The following NTRK3 variants were observed in gnomAD, a reference collection of about 807,000 sequenced individuals.
NTRK3 encodes the protein neurotrophic receptor tyrosine kinase 3, also known as NT-3 growth factor receptor.
In NTRK3, 24 loss-of-function variants were observed where a neutral mutation model predicts 91.7. The ratio of observed to expected loss-of-function variants is 0.26; its 90% CI spans 0.19 to 0.37. NTRK3 has a LOEUF of 0.37. NTRK3 is among the 10% of genes least tolerant of loss of function. The pLI, the probability that NTRK3 is intolerant of heterozygous loss-of-function variation, is 1.00. For missense variants in NTRK3, 880 were observed against 1,068.9 expected (o/e 0.82, Z 2.46); for synonymous variants, 483 against 404.0 (o/e 1.20, Z -2.34).
At chr15:88,099,026 G>A (rs1243162201) in intron 13 of NTRK3, 1 of 231,590 alleles carries the variant, frequency 4.3e-6, no homozygotes, top group Non-Finnish European at 8.5e-6. Context: ...AGGTGGTAGG[G>A]GTGATGAACG....
chr15:88,029,673 T>A (rs1014975200), intron 14 of NTRK3, among the ~76,000 whole-genome samples: 1 of 152,222 alleles, frequency 6.6e-6, no homozygotes, highest in Non-Finnish European at 1.5e-5. Flanking sequence ...TCTCTTAACC[T>A]TCCTGGTTCT....
chr15:87,911,307 C>A (rs568630968), intron 17 of NTRK3, among the ~76,000 whole-genome samples: 144 of 152,266 alleles, frequency 9.5e-4, no homozygotes, highest in South Asian at 2.1e-3. Context: ...ATTATGAGTC[C>A]TTAAATTGCT....
intron 14 of NTRK3, among the ~76,000 whole-genome samples, chr15:87,964,898 G>A (rs764481905): frequency 1.2e-4 from 19 of 152,106 alleles, no homozygotes; most frequent in Middle Eastern, 3.2e-3. Flanking sequence ...AATAAACATT[G>A]CGTTTTTCTG....
At chr15:88,157,226 C>T (rs986128965) in intron 5 of NTRK3, among the ~76,000 whole-genome samples, 1 of 152,122 alleles carries the variant, frequency 6.6e-6, no homozygotes, top group Admixed American at 6.5e-5. Flanking sequence ...CTTCTTCCCT[C>T]TCTCACACAC....
chr15:88,069,227 C>A (rs933218640), intron 13 of NTRK3, among the ~76,000 whole-genome samples: 1 of 152,164 alleles, frequency 6.6e-6, no homozygotes, highest in Non-Finnish European at 1.5e-5. Flanking sequence ...GTTCCTCTTG[C>A]CTTCTCAATC....
intron 15 of NTRK3, among the ~76,000 whole-genome samples, chr15:87,936,114 T>C (rs2069252795): frequency 6.6e-6 from 1 of 152,176 alleles, no homozygotes; most frequent in African/African-American, 2.4e-5. Flanking sequence ...ATTTAACATC[T>C]TCATGTCTGG....
chr15:88,179,588 C>T (rs1303529172), intron 5 of NTRK3, among the ~76,000 whole-genome samples: 1 of 152,154 alleles, frequency 6.6e-6, no homozygotes. Context: ...TATGGGGATC[C>T]CAGACTGTGG....
chr15:88,048,134 C>G (rs2080420398), intron 13 of NTRK3, among the ~76,000 whole-genome samples: 1 of 152,214 alleles, frequency 6.6e-6, no homozygotes, highest in Non-Finnish European at 1.5e-5. Flanking sequence ...TCCCTCTTCT[C>G]CCTCTGTTCA....
At chr15:88,076,743 GAGAA>G (rs1260137495) in intron 13 of NTRK3, among the ~76,000 whole-genome samples, 1 of 150,320 alleles carries the variant, frequency 6.7e-6, no homozygotes, top group East Asian at 2.0e-4. Context: ...TGTACTATGA[GAGAA>G]AGCACAAAGG....
intron 13 of NTRK3, among the ~76,000 whole-genome samples, chr15:88,074,006 G>A (rs1408946430): frequency 6.6e-6 from 1 of 152,220 alleles, no homozygotes; most frequent in Non-Finnish European, 1.5e-5. Flanking sequence ...CTGATCTGTA[G>A]AAGAAATATA....
At chr15:88,248,096 C>T (rs2053013903) in intron 3 of NTRK3, among the ~76,000 whole-genome samples, 1 of 152,222 alleles carries the variant, frequency 6.6e-6, no homozygotes, top group Non-Finnish European at 1.5e-5. Flanking sequence ...CTGCTGACCA[C>T]GGCTCAGCCC....
intron 14 of NTRK3, among the ~76,000 whole-genome samples, chr15:87,964,450 A>AT (rs1360265305): frequency 6.6e-6 from 1 of 151,360 alleles, no homozygotes; most frequent in Non-Finnish European, 1.5e-5. Context: ...TATTTTACAT[A>AT]TTTATTATAT....
intron 13 of NTRK3, among the ~76,000 whole-genome samples, chr15:88,071,116 A>G (rs915969142): frequency 3.3e-5 from 5 of 152,222 alleles, no homozygotes; most frequent in African/African-American, 1.2e-4. Flanking sequence ...TGCCCAGGGA[A>G]GAAGGATGGC....
At chr15:88,213,815 C>T (rs1471236319) in intron 3 of NTRK3, among the ~76,000 whole-genome samples, 1 of 152,160 alleles carries the variant, frequency 6.6e-6, no homozygotes. Flanking sequence ...TGCAGTGGCT[C>T]ACACCTGTAA....
intron 5 of NTRK3, among the ~76,000 whole-genome samples, chr15:88,180,175 G>T (rs550891632): frequency 8.6e-4 from 131 of 152,216 alleles, no homozygotes; most frequent in Non-Finnish European, 1.6e-3. Context: ...CCCTAGAATA[G>T]CCACTATTAT....
At chr15:88,197,707 ACT>A (rs1205305567) in intron 3 of NTRK3, among the ~76,000 whole-genome samples, 3 of 151,970 alleles carry the variant, frequency 2.0e-5, no homozygotes, top group African/African-American at 7.3e-5. Flanking sequence ...GGCTTTTGTG[ACT>A]CTCATTCTTC....
At chr15:88,228,620 C>A (rs913670991) in intron 3 of NTRK3, among the ~76,000 whole-genome samples, 6 of 152,146 alleles carry the variant, frequency 3.9e-5, no homozygotes, top group African/African-American at 1.4e-4. Context: ...CAGGAAAACC[C>A]ACAGCACATG....
intron 11 of NTRK3, 70 bp from the exon 12 acceptor site, chr15:88,127,296 G>A (rs1049925632): frequency 7.9e-5 from 103 of 1,304,590 alleles, no homozygotes; most frequent in Non-Finnish European, 1.1e-4. Flanking sequence ...CACAGTCCCT[G>A]CCCAACTCCC....
chr15:88,158,763 G>A (rs183097701), intron 5 of NTRK3, among the ~76,000 whole-genome samples: 219 of 151,544 alleles, frequency 1.4e-3, no homozygotes, highest in African/African-American at 5.1e-3. Flanking sequence ...CTTTTCACCC[G>A]GGATCCACCA....
Sources: allele counts gnomAD v4.1 joint callset (sites outside exome capture counted in the v4.1 genomes callset), GRCh38; gene constraint gnomAD v4.1.1; transcripts MANE v1.5; gene names NCBI Gene and HGNC (gene_info 2026-07-23, HGNC 2026-07-21).